SPAST: variants seen among roughly 807,000 people sequenced by gnomAD.
The protein encoded by SPAST is spastic paraplegia 4 (autosomal dominant; spastin).
Under a neutral mutation model 76.6 loss-of-function variants are expected in SPAST, and 30 were observed. The observed-to-expected ratio is 0.39, with a 90% CI of 0.29 to 0.53. The LOEUF (loss-of-function observed/expected upper bound fraction) is 0.53, where lower values mean the gene tolerates loss of function less well. SPAST is among the 20% of genes least tolerant of loss of function. SPAST has a pLI of 0.68. For synonymous variants in SPAST, 305 were observed against 281.0 expected (o/e 1.09, Z -0.86); for missense variants, 717 against 770.5 (o/e 0.93, Z 0.82).
At chr2:32,111,529 A>G (rs1218192347) in intron 4 of SPAST, among the ~76,000 whole-genome samples, 1 of 151,292 alleles carries the variant, frequency 6.6e-6, no homozygotes, top group African/African-American at 2.4e-5. Context: ...GATTTTTATG[A>G]TTTAGCAAAA....
At chr2:32,094,121 T>G (rs1226900295) in intron 3 of SPAST, among the ~76,000 whole-genome samples, 1 of 152,236 alleles carries the variant, frequency 6.6e-6, no homozygotes, top group Non-Finnish European at 1.5e-5. Context: ...AATATGTTAC[T>G]ATTAATACAC....
chr2:32,104,612 G>A (rs188137033), intron 4 of SPAST, among the ~76,000 whole-genome samples: 1 of 152,246 alleles, frequency 6.6e-6, no homozygotes, highest in African/African-American at 2.4e-5. Flanking sequence ...TCCATGTTCA[G>A]TGCTTCCTTC....
chr2:32,125,526 T>G (rs1679162132), intron 7 of SPAST, among the ~76,000 whole-genome samples: 1 of 150,284 alleles, frequency 6.7e-6, no homozygotes, highest in Admixed American at 6.6e-5. Flanking sequence ...CCCAGCAGGT[T>G]TTTTTTTTTA....
chr2:32,095,674 G>C (rs1390752376), intron 3 of SPAST, among the ~76,000 whole-genome samples: 2 of 152,044 alleles, frequency 1.3e-5, no homozygotes, highest in Admixed American at 1.3e-4. Flanking sequence ...AGGAGGTCGA[G>C]ACTGCAGTGA....
In SPAST at chr2:32,144,988, A is replaced by G. The variant is rs1488658063; in HGVS notation, c.1668A>G (p.Ala556=). Residue 556 remains alanine (A), a synonymous_variant, in exon 15 of 17, where the codon GCA becomes GCG. Coordinates refer to ENST00000315285, the MANE Select transcript of SPAST (RefSeq NM_014946.4). The part of the protein sequence containing the change: ...GSDLTALAKD[A]ALGPIRELKP... ...ACCTAACAGCTTTGGCAAAAGATGC[A>G]GCACTGGGTCCTATCCGAGGTAGGT... is the stretch of plus-strand genomic sequence containing the variant. 1 of 1,612,180 alleles carries G rather than the reference A, an allele frequency of 6.2e-7. No individual in the cohort carries two copies. Among genetic ancestry groups the G allele is most frequent in the East Asian group, 2.2e-5 (1 of 44,880 alleles).
At chr2:32,150,479 C>T (rs919144492) in intron 16 of SPAST, among the ~76,000 whole-genome samples, 17 of 151,042 alleles carry the variant, frequency 1.1e-4, no homozygotes, top group Non-Finnish European at 2.1e-4. Context: ...ACTTGGTTGC[C>T]CAGGCTGGAG....
chr2:32,134,516 C>T (rs1679472129), intron 9 of SPAST, among the ~76,000 whole-genome samples: 1 of 150,636 alleles, frequency 6.6e-6, no homozygotes, highest in Non-Finnish European at 1.5e-5. Context: ...GTTGCCAGGG[C>T]TGGTCTCAAA....
rs550766103 is a variant in SPAST at position 32,092,404 on chromosome 2, TTTGA to T, written c.586+2803_586+2806del. On this transcript the variant is annotated intron_variant, in intron 3 of 16. Transcript: ENST00000315285. ...TAAAGTATATATCATACAGAATAAA[TTTGA>T]TTGTGGAGCATTTTGTAACATCTTT... Among the ~76,000 whole-genome samples the T allele has an allele frequency of 1.0e-3, 152 of 152,312 alleles. 2 individuals carry two copies. Among genetic ancestry groups the T allele is most frequent in the Admixed American group, 2.9e-3 (44 of 15,280 alleles).
intron 16 of SPAST, among the ~76,000 whole-genome samples, chr2:32,150,124 G>C (rs919279778): frequency 6.7e-6 from 1 of 148,710 alleles, no homozygotes; most frequent in Non-Finnish European, 1.5e-5. Context: ...CTGGAGTGGA[G>C]TGCAGTGGTG....
At chr2:32,107,073 G>C (rs937637085) in intron 4 of SPAST, among the ~76,000 whole-genome samples, 1 of 151,792 alleles carries the variant, frequency 6.6e-6, no homozygotes, top group South Asian at 2.1e-4. Flanking sequence ...TCACATGCTA[G>C]ACCCCATCAT....
chr2:32,138,545 G>A (rs1679616837), intron 12 of SPAST, among the ~76,000 whole-genome samples: 1 of 152,108 alleles, frequency 6.6e-6, no homozygotes, highest in Admixed American at 6.6e-5. Flanking sequence ...TTTTTAGCTT[G>A]TTCAATTGTT....
chr2:32,064,576 C>T (rs915445483), intron 1 of SPAST, among the ~76,000 whole-genome samples: 2 of 152,188 alleles, frequency 1.3e-5, no homozygotes, highest in Non-Finnish European at 2.9e-5. Context: ...TCCTTTCTAG[C>T]ACTGTGAAGA....
chr2:32,145,217 C>T (rs1679848939), intron 15 of SPAST, among the ~76,000 whole-genome samples: 1 of 152,132 alleles, frequency 6.6e-6, no homozygotes, highest in Non-Finnish European at 1.5e-5. Context: ...CCAGCCTTCC[C>T]AGTAGCTGGG....
At chr2:32,064,943 T>C (rs1005151758) in intron 1 of SPAST, among the ~76,000 whole-genome samples, 1 of 152,190 alleles carries the variant, frequency 6.6e-6, no homozygotes, top group Non-Finnish European at 1.5e-5. Context: ...CATACCACTT[T>C]ACAGTAAAAC....
intron 1 of SPAST, among the ~76,000 whole-genome samples, chr2:32,068,572 C>T (rs1676620143): frequency 6.6e-6 from 1 of 152,106 alleles, no homozygotes; most frequent in Non-Finnish European, 1.5e-5. Context: ...GATCCACTCG[C>T]CTTGGCCTCA....
At chr2:32,072,161 G>A (rs1676776346) in intron 1 of SPAST, among the ~76,000 whole-genome samples, 2 of 152,080 alleles carry the variant, frequency 1.3e-5, no homozygotes. Context: ...TCCTGCCTCA[G>A]CCTCCTGAGT....
rs151314008 is a variant in SPAST at position 32,090,341 on chromosome 2, G to C, written c.586+736G>C. ...ATATTTACTGTCTGGCCCTGAGAAA[G>C]CCTGCCATCTTCACTTGACATCCCA... On this transcript the variant is annotated intron_variant, in intron 3 of 16. Transcript: ENST00000315285. Among the ~76,000 whole-genome samples the C allele has an allele frequency of 7.1e-3, 1,079 of 152,242 alleles. 14 individuals are homozygous for C. The highest frequency in any genetic ancestry group is 0.024 in the African/African-American group (1,014 of 41,542).
At chr2:32,092,009 T>G (rs1244653979) in intron 3 of SPAST, among the ~76,000 whole-genome samples, 1 of 152,144 alleles carries the variant, frequency 6.6e-6, no homozygotes, top group South Asian at 2.1e-4. Context: ...TTAAAAATGT[T>G]GGTTTTTATT....
intron 4 of SPAST, among the ~76,000 whole-genome samples, chr2:32,100,575 A>T (rs1678082997): frequency 1.3e-5 from 2 of 152,020 alleles, no homozygotes; most frequent in Admixed American, 1.3e-4. Flanking sequence ...CTTGTCATTT[A>T]CATTAGGTAT....
Sources: allele counts gnomAD v4.1 joint callset (sites outside exome capture counted in the v4.1 genomes callset), GRCh38; gene constraint gnomAD v4.1.1; transcripts MANE v1.5; gene names NCBI Gene and HGNC (gene_info 2026-07-23, HGNC 2026-07-21).